Variants in MAGI2 observed in about 807,000 individuals in gnomAD.
MAGI2 encodes the protein membrane associated guanylate kinase, WW and PDZ domain containing 2.
Under a neutral mutation model 133.3 loss-of-function variants are expected in MAGI2, and 35 were observed. That is an observed-to-expected ratio of 0.26 (90% confidence interval 0.20 to 0.35). MAGI2 has a LOEUF of 0.35. MAGI2 is among the 10% of genes least tolerant of loss of function. The pLI, the probability that MAGI2 is intolerant of heterozygous loss-of-function variation, is 1.00. For synonymous variants in MAGI2, 729 were observed against 710.6 expected (o/e 1.03, Z -0.41); for missense variants, 1,636 against 1,863.4 (o/e 0.88, Z 2.25).
intron 1 of MAGI2, among the ~76,000 whole-genome samples, chr7:79,018,496 G>T (rs1257312088): frequency 6.6e-6 from 1 of 152,150 alleles, no homozygotes; most frequent in African/African-American, 2.4e-5. Context: ...AAACATGTCT[G>T]CATAATTACG....
chr7:78,130,531 C>A (rs1393305146), intron 18 of MAGI2, among the ~76,000 whole-genome samples: 1 of 152,142 alleles, frequency 6.6e-6, no homozygotes, highest in Non-Finnish European at 1.5e-5. Context: ...ATACCATGGC[C>A]ATCTTTAAAT....
intron 3 of MAGI2, among the ~76,000 whole-genome samples, chr7:78,579,141 C>T (rs997144992): frequency 6.6e-6 from 1 of 152,092 alleles, no homozygotes; most frequent in African/African-American, 2.4e-5. Flanking sequence ...AAATAAAAAG[C>T]AACAACAAAA....
At chr7:78,519,141 A>ACC (rs1796282330) in intron 4 of MAGI2, 2 of 151,614 alleles carry the variant, frequency 1.3e-5, no homozygotes, top group Non-Finnish European at 2.9e-5. Context: ...AAAAAAAAAA[A>ACC]AAAAAAACCA....
At chr7:78,581,591 C>T (rs1802842997) in intron 3 of MAGI2, among the ~76,000 whole-genome samples, 1 of 152,170 alleles carries the variant, frequency 6.6e-6, no homozygotes, top group Non-Finnish European at 1.5e-5. Flanking sequence ...AATGAACTTC[C>T]TTCCCATATT....
intron 1 of MAGI2, among the ~76,000 whole-genome samples, chr7:79,286,596 A>AAAAG (rs1836019364): frequency 1.2e-5 from 1 of 86,178 alleles, no homozygotes; most frequent in South Asian, 3.4e-4. Context: ...GGAGCTCAGA[A>AAAAG]ACAGCCCAAA....
intron 1 of MAGI2, among the ~76,000 whole-genome samples, chr7:79,425,238 C>A (rs941023969): frequency 6.8e-6 from 1 of 146,102 alleles, no homozygotes; most frequent in Non-Finnish European, 1.5e-5. Flanking sequence ...GGCGACAGAG[C>A]GAGACTCCGT....
At chr7:79,317,752 T>C (rs1260072092) in intron 1 of MAGI2, among the ~76,000 whole-genome samples, 2 of 152,144 alleles carry the variant, frequency 1.3e-5, no homozygotes, top group Non-Finnish European at 1.5e-5. Context: ...TAGGCCTTAA[T>C]AGACCCAATA....
At chr7:78,873,462 G>T (rs1795192115) in intron 2 of MAGI2, among the ~76,000 whole-genome samples, 1 of 152,076 alleles carries the variant, frequency 6.6e-6, no homozygotes, top group East Asian at 1.9e-4. Flanking sequence ...AACCCCACAT[G>T]TAAGGGATCT....
chr7:78,563,986 ATTTTT>A (rs896348065), intron 3 of MAGI2, among the ~76,000 whole-genome samples: 4 of 152,020 alleles, frequency 2.6e-5, no homozygotes, highest in Non-Finnish European at 5.9e-5. Flanking sequence ...TTGAATAGGT[ATTTTT>A]TTTAAGTTGC....
At chr7:78,315,033 G>A (rs1326538157) in intron 9 of MAGI2, among the ~76,000 whole-genome samples, 1 of 152,086 alleles carries the variant, frequency 6.6e-6, no homozygotes, top group East Asian at 1.9e-4. Flanking sequence ...GTAATTTTGT[G>A]GTTCACAACT....
chr7:78,132,855 C>T (rs765566505), intron 18 of MAGI2, 34 bp downstream of exon 18: 2 of 1,614,048 alleles, frequency 1.2e-6, no homozygotes, highest in South Asian at 1.1e-5. Context: ...ACCCTATCAC[C>T]TCTCAGAATC....
chr7:79,406,426 A>T (rs1368021016), intron 1 of MAGI2, among the ~76,000 whole-genome samples: 1 of 152,136 alleles, frequency 6.6e-6, no homozygotes, highest in Non-Finnish European at 1.5e-5. Context: ...TTCAACAACT[A>T]GAGTTATTGA....
At chr7:78,918,414 C>T (rs1798962617) in intron 2 of MAGI2, among the ~76,000 whole-genome samples, 2 of 152,120 alleles carry the variant, frequency 1.3e-5, no homozygotes, top group African/African-American at 4.8e-5. Context: ...TAAATGATCT[C>T]AACATATTTG....
chr7:78,986,436 C>T (rs1448238142), intron 2 of MAGI2, among the ~76,000 whole-genome samples: 1 of 152,010 alleles, frequency 6.6e-6, no homozygotes, highest in Non-Finnish European at 1.5e-5. Context: ...TCTGTTCCTT[C>T]TCAATAAAAC....
At position 78,823,597 on chromosome 7, in the gene MAGI2, A is replaced by G. The variant is rs1055353323; in HGVS notation, c.418+183493T>C. ...CTCCGTCTCAAAAAAAAAAAAAAAAAAAAAAGAAATACGACACTGTCTATT... is the reference window on the plus strand; with the variant it reads ...CTCCGTCTCAAAAAAAAAAAAAAAAGAAAAAGAAATACGACACTGTCTATT... On this transcript the variant is annotated intron_variant, in intron 2 of 21. Transcript: ENST00000354212. Among the ~76,000 whole-genome samples, 8 of 151,740 alleles carry G rather than the reference A, an allele frequency of 5.3e-5. No individual in the cohort carries two copies. In the East Asian group the frequency reaches 9.7e-4, roughly 18 times the overall value.
intron 1 of MAGI2, chr7:79,414,218 C>T (rs1343190456): frequency 6.6e-6 from 1 of 152,132 alleles, no homozygotes; most frequent in Non-Finnish European, 1.5e-5. Flanking sequence ...AAATTGTAGG[C>T]ATTCAATAAA....
chr7:78,925,157 G>T (rs1301572705), intron 2 of MAGI2, among the ~76,000 whole-genome samples: 1 of 151,878 alleles, frequency 6.6e-6, no homozygotes, highest in Non-Finnish European at 1.5e-5. Context: ...AAAATATATT[G>T]GCCAGAACTC....
chr7:78,648,331 C>T (rs1811123896), intron 2 of MAGI2, among the ~76,000 whole-genome samples: 1 of 152,120 alleles, frequency 6.6e-6, no homozygotes, highest in Admixed American at 6.6e-5. Flanking sequence ...TTCCCTACTA[C>T]CTTGAATAAA....
At chr7:78,513,063 A>T (rs1795738744) in intron 4 of MAGI2, among the ~76,000 whole-genome samples, 1 of 152,114 alleles carries the variant, frequency 6.6e-6, no homozygotes. Context: ...TACTTAAAAA[A>T]CCACAGCAAG....
Sources: gnomAD v4.1 joint callset for allele counts (sites outside exome capture counted in the v4.1 genomes callset) on GRCh38, gnomAD v4.1.1 for gene constraint, MANE v1.5 for transcripts, NCBI Gene and HGNC (gene_info 2026-07-23, HGNC 2026-07-21) for gene names.